Variants in CSMD1 observed in about 807,000 individuals in gnomAD.
The protein encoded by CSMD1 is CUB and sushi domain-containing protein 1.
CSMD1 carries 213 observed loss-of-function variants against 417.5 expected under a neutral mutation model. That is an observed-to-expected ratio of 0.51 (90% CI 0.46 to 0.57). The LOEUF (loss-of-function observed/expected upper bound fraction) is 0.57. Among genes scored for constraint, CSMD1 ranks in the 20% least tolerant of loss-of-function variants. The probability of loss-of-function intolerance (pLI) is 0.00; values close to 1 mark genes in which losing one functional copy is unlikely to be tolerated. For missense variants in CSMD1, 6,923 were observed against 4,529.7 expected (o/e 1.53, Z -15.17); for synonymous variants, 2,862 against 1,736.8 (o/e 1.65, Z -16.11).
chr8:3,598,441 C>T (rs1444653873), intron 8 of CSMD1: 2 of 152,226 alleles, frequency 1.3e-5, no homozygotes, highest in Non-Finnish European at 2.9e-5. Context: ...AGGGTTTTTA[C>T]ACAGGCTCTT....
chr8:4,014,129 T>C (rs540985019), intron 4 of CSMD1, among the ~76,000 whole-genome samples: 1 of 152,186 alleles, frequency 6.6e-6, no homozygotes, highest in East Asian at 1.9e-4. Flanking sequence ...AATGCAAGTA[T>C]CAAAAGTTAT....
chr8:4,754,146 G>C (rs1318685441), intron 1 of CSMD1, among the ~76,000 whole-genome samples: 2 of 152,074 alleles, frequency 1.3e-5, no homozygotes, highest in South Asian at 2.1e-4. Context: ...CAATAAAATA[G>C]ACACTTCTGA....
At chr8:4,423,901 C>G (rs1311372316) in intron 2 of CSMD1, among the ~76,000 whole-genome samples, 2 of 151,922 alleles carry the variant, frequency 1.3e-5, no homozygotes, top group African/African-American at 2.4e-5. Context: ...GAACAAAGAA[C>G]CCAAAAATAA....
intron 4 of CSMD1, among the ~76,000 whole-genome samples, chr8:4,007,056 T>A (rs1032669721): frequency 6.6e-6 from 1 of 152,030 alleles, no homozygotes; most frequent in Non-Finnish European, 1.5e-5. Context: ...GCCAGGATGG[T>A]CTCGATCTCC....
chr8:4,788,871 T>G (rs1475730905), intron 1 of CSMD1, among the ~76,000 whole-genome samples: 7 of 152,242 alleles, frequency 4.6e-5, no homozygotes. Context: ...CCTTCCTGAC[T>G]CCAGGGCAGG....
At chr8:4,632,318 G>C (rs1400722424) in intron 2 of CSMD1, among the ~76,000 whole-genome samples, 1 of 152,134 alleles carries the variant, frequency 6.6e-6, no homozygotes, top group Non-Finnish European at 1.5e-5. Context: ...TTCTAGACCA[G>C]CCTGGCCAAC....
At chr8:4,707,780 G>T (rs533474537) in intron 1 of CSMD1, among the ~76,000 whole-genome samples, 24 of 151,552 alleles carry the variant, frequency 1.6e-4, no homozygotes, top group Admixed American at 5.3e-4. Context: ...CCAGCTACTC[G>T]GGAGGCTGAA....
At chr8:3,838,116 T>C (rs1029968316) in intron 5 of CSMD1, among the ~76,000 whole-genome samples, 3 of 152,042 alleles carry the variant, frequency 2.0e-5, no homozygotes, top group Non-Finnish European at 4.4e-5. Context: ...TAACTTGGGA[T>C]TAGAAAACAG....
intron 5 of CSMD1, among the ~76,000 whole-genome samples, chr8:3,851,032 C>A (rs1803870478): frequency 6.6e-6 from 1 of 152,132 alleles, no homozygotes; most frequent in Admixed American, 6.5e-5. Context: ...CAGTGATGCT[C>A]ACATAACAAT....
chr8:3,421,697 C>T (rs1371838635), intron 12 of CSMD1, among the ~76,000 whole-genome samples: 1 of 152,140 alleles, frequency 6.6e-6, no homozygotes, highest in Non-Finnish European at 1.5e-5. Flanking sequence ...CAGTGCACTG[C>T]TGTAATCTTG....
intron 9 of CSMD1, among the ~76,000 whole-genome samples, chr8:3,578,311 A>AG (rs35753884): frequency 0.33 from 50,293 of 151,988 alleles, 10,048 homozygotes; most frequent in Middle Eastern, 0.44. Context: ...CCAATGAGTG[A>AG]GTGTCCTTGC....
intron 5 of CSMD1, among the ~76,000 whole-genome samples, chr8:3,772,926 C>T (rs1798696329): frequency 1.3e-5 from 2 of 152,014 alleles, no homozygotes; most frequent in African/African-American, 4.8e-5. Context: ...ATGTTTATGG[C>T]TCACAGTTCT....
chr8:4,535,203 A>G (rs1359425650), intron 2 of CSMD1, among the ~76,000 whole-genome samples: 2 of 152,230 alleles, frequency 1.3e-5, no homozygotes, highest in Non-Finnish European at 2.9e-5. Context: ...ACTGCTTGAA[A>G]TATCAATAAC....
At chr8:3,982,829 AC>A (rs1411410807) in intron 5 of CSMD1, among the ~76,000 whole-genome samples, 1 of 152,230 alleles carries the variant, frequency 6.6e-6, no homozygotes, top group Non-Finnish European at 1.5e-5. Context: ...CACGATGGTC[AC>A]TTTCATCATT....
intron 49 of CSMD1, among the ~76,000 whole-genome samples, chr8:3,069,967 A>T (rs1228902919): frequency 6.6e-6 from 1 of 152,214 alleles, no homozygotes; most frequent in East Asian, 1.9e-4. Flanking sequence ...TTAACGCCAC[A>T]CGGAAGCTGT....
At chr8:3,476,587 T>C (rs565465727) in intron 11 of CSMD1, among the ~76,000 whole-genome samples, 2 of 152,254 alleles carry the variant, frequency 1.3e-5, no homozygotes, top group East Asian at 3.9e-4. Context: ...ATACATCCAT[T>C]GGTGTGACAT....
intron 1 of CSMD1, among the ~76,000 whole-genome samples, chr8:4,779,240 C>A (rs1230771464): frequency 6.6e-6 from 1 of 152,148 alleles, no homozygotes; most frequent in East Asian, 1.9e-4. Flanking sequence ...TCCCAGCCTC[C>A]TGTAGAAATT....
chr8:4,120,605 G>A (rs1802431605), intron 3 of CSMD1, among the ~76,000 whole-genome samples: 1 of 152,200 alleles, frequency 6.6e-6, no homozygotes, highest in Non-Finnish European at 1.5e-5. Context: ...ACTTTTGGGT[G>A]CCAAATAGAC....
intron 1 of CSMD1, among the ~76,000 whole-genome samples, chr8:4,928,886 T>G (rs1807052624): frequency 6.6e-6 from 1 of 152,048 alleles, no homozygotes; most frequent in Non-Finnish European, 1.5e-5. Context: ...CCTGCCAACA[T>G]GGTGAAACCC....
Sources: gnomAD v4.1 joint callset for allele counts (sites outside exome capture counted in the v4.1 genomes callset) on GRCh38, gnomAD v4.1.1 for gene constraint, MANE v1.5 for transcripts, NCBI Gene and HGNC (gene_info 2026-07-23, HGNC 2026-07-21) for gene names.